The following PDE3A variants were observed in gnomAD, a reference collection of about 807,000 sequenced individuals.
The protein encoded by PDE3A is phosphodiesterase 3A.
PDE3A carries 43 observed loss-of-function variants against 98.3 expected under a neutral mutation model. That is an observed-to-expected ratio of 0.44 (90% CI 0.34 to 0.56). The LOEUF (loss-of-function observed/expected upper bound fraction) is 0.56. Among genes scored for constraint, PDE3A ranks in the 20% least tolerant of loss-of-function variants. PDE3A has a pLI of 0.01. For missense variants in PDE3A, 1,427 were observed against 1,440.7 expected (o/e 0.99, Z 0.15); for synonymous variants, 663 against 567.9 (o/e 1.17, Z -2.38).
chr12:20,646,549 C>T lies in PDE3A; in HGVS notation c.2311C>T (p.Pro771Ser), dbSNP rs1944781502. The T allele has an allele frequency of 6.2e-7, 1 of 1,610,864 alleles. No homozygotes were observed. Among genetic ancestry groups the T allele is most frequent in the African/African-American group, 1.3e-5 (1 of 74,970 alleles). The change falls in exon 11 of 16, where the codon CCT becomes TCT. Residue 771 changes from proline to serine, a missense_variant. Coordinates refer to ENST00000359062, the MANE Select transcript of PDE3A (RefSeq NM_000921.5). Reference protein sequence around the residue: ...LHAVWYLTTQPIPGLSTVIND... With the variant: ...LHAVWYLTTQSIPGLSTVIND... ...TGCTGTTTGGTATCTTACTACACAG[C>T]CTATTCCAGGCCTCTCAACTGTGAT...
chr12:20,375,120 A>G (rs1943547572), intron 1 of PDE3A, among the ~76,000 whole-genome samples: 2 of 151,948 alleles, frequency 1.3e-5, no homozygotes, highest in Non-Finnish European at 2.9e-5. Context: ...TCAAATTGAG[A>G]TTAAAAAATA....
At chr12:20,599,486 G>A (rs1246316232) in intron 2 of PDE3A, among the ~76,000 whole-genome samples, 3 of 152,066 alleles carry the variant, frequency 2.0e-5, no homozygotes, top group Admixed American at 1.3e-4. Flanking sequence ...CACGTTTTCA[G>A]CAAGGGACTC....
chr12:20,517,220 A>G (rs1360795162), intron 1 of PDE3A, among the ~76,000 whole-genome samples: 2 of 152,204 alleles, frequency 1.3e-5, no homozygotes, highest in African/African-American at 4.8e-5. Flanking sequence ...ATTAGTGCCT[A>G]CACCCATTGA....
At chr12:20,374,959 G>C (rs993121113) in intron 1 of PDE3A, among the ~76,000 whole-genome samples, 1 of 151,900 alleles carries the variant, frequency 6.6e-6, no homozygotes, top group Non-Finnish European at 1.5e-5. Context: ...CCTTTGCATT[G>C]GGCGATGGGG....
chr12:20,562,679 C>T (rs1238125224), intron 2 of PDE3A, among the ~76,000 whole-genome samples: 1 of 152,010 alleles, frequency 6.6e-6, no homozygotes, highest in Non-Finnish European at 1.5e-5. Context: ...AACCCTCAGG[C>T]CTTTATTTAC....
chr12:20,665,886 G>A (rs1259429192), intron 15 of PDE3A, among the ~76,000 whole-genome samples: 1 of 150,700 alleles, frequency 6.6e-6, no homozygotes, highest in Non-Finnish European at 1.5e-5. Flanking sequence ...ATGATATTTT[G>A]CTACATTCAT....
At chr12:20,411,621 A>G (rs928032771) in intron 1 of PDE3A, among the ~76,000 whole-genome samples, 2 of 151,898 alleles carry the variant, frequency 1.3e-5, no homozygotes, top group African/African-American at 4.8e-5. Context: ...AGGTCTCTGG[A>G]GATTCCCTCC....
intron 2 of PDE3A, among the ~76,000 whole-genome samples, chr12:20,600,347 T>G (rs1943561174): frequency 6.6e-6 from 1 of 152,256 alleles, no homozygotes; most frequent in East Asian, 1.9e-4. Context: ...CAAACCTTCA[T>G]CCTGAAAGCT....
At position 20,683,292 on chromosome 12, in the gene PDE3A, T is replaced by C. The variant is rs1254064200; in HGVS notation, c.*3021T>C. ...GTTCACATCTAACTCCAGAGCTTAC[T>C]TCCTGTGGTGCCAATGTATTTGTTG... On this transcript the variant is annotated 3_prime_UTR_variant, in exon 16 of 16. Coordinates refer to ENST00000359062, the MANE Select transcript of PDE3A (RefSeq NM_000921.5). The C allele has an allele frequency of 6.6e-6, 1 of 152,190 alleles. No homozygotes were observed. Among genetic ancestry groups the C allele is most frequent in the Non-Finnish European group, 1.5e-5 (1 of 68,032 alleles). 9.4% of individuals were successfully genotyped at this position (152,190 alleles called of 1,614,324 possible).
rs1944913213 is a variant in PDE3A, at chr12:20,651,463, T to G, written c.2925+863T>G. Among the ~76,000 whole-genome samples the G allele has an allele frequency of 2.6e-5, 4 of 152,200 alleles. No homozygotes were observed. The South Asian group carries it at 8.3e-4, about 32-fold the overall frequency. On this transcript the variant is annotated intron_variant, in intron 14 of 15. Transcript: ENST00000359062. ...TAATTTAGAAATCGGTTAATCAACATTGCTGTGGAGATTAAAGAAGATAAA... is the reference window on the plus strand; with the variant it reads ...TAATTTAGAAATCGGTTAATCAACAGTGCTGTGGAGATTAAAGAAGATAAA...
At chr12:20,481,764 A>ATTTTTTTTT (rs10657239) in intron 1 of PDE3A, among the ~76,000 whole-genome samples, 5,920 of 79,418 alleles carry the variant, frequency 0.075, 978 homozygotes, top group African/African-American at 0.14. Flanking sequence ...TGGGAAATAG[A>ATTTTTTTTT]TTTTTTTTTT....
chr12:20,665,726 A>ACGAAG (rs1945291052), intron 15 of PDE3A, among the ~76,000 whole-genome samples: 1 of 152,040 alleles, frequency 6.6e-6, no homozygotes, highest in Non-Finnish European at 1.5e-5. Flanking sequence ...TCTACACTTG[A>ACGAAG]TTTTTTATAG....
At chr12:20,601,402 A>G (rs12311612) in intron 2 of PDE3A, among the ~76,000 whole-genome samples, 2 of 152,218 alleles carry the variant, frequency 1.3e-5, no homozygotes, top group South Asian at 4.1e-4. Flanking sequence ...GCAAGTCAGT[A>G]GCCTAGATAA....
At chr12:20,507,008 T>C (rs1220175869) in intron 1 of PDE3A, among the ~76,000 whole-genome samples, 1 of 152,118 alleles carries the variant, frequency 6.6e-6, no homozygotes, top group Non-Finnish European at 1.5e-5. Flanking sequence ...TGTATATTTT[T>C]ATTCTTTATA....
chr12:20,494,949 A>G (rs996270912), intron 1 of PDE3A, among the ~76,000 whole-genome samples: 8 of 152,144 alleles, frequency 5.3e-5, no homozygotes, highest in Non-Finnish European at 1.0e-4. Flanking sequence ...AATTCAGTAC[A>G]ACTGTGTTTC....
At chr12:20,551,122 G>A (rs540346122) in intron 1 of PDE3A, among the ~76,000 whole-genome samples, 1 of 151,566 alleles carries the variant, frequency 6.6e-6, no homozygotes, top group East Asian at 1.9e-4. Context: ...AATATAATAG[G>A]CAATAGTAGT....
At chr12:20,650,806 AG>A (rs1443569330) in intron 14 of PDE3A, among the ~76,000 whole-genome samples, 11 of 115,234 alleles carry the variant, frequency 9.5e-5, no homozygotes, top group Non-Finnish European at 1.9e-4. Context: ...CTATGATAAA[AG>A]TTATTTGCAA....
chr12:20,536,214 A>G (rs534444994), intron 1 of PDE3A, among the ~76,000 whole-genome samples: 3 of 152,252 alleles, frequency 2.0e-5, no homozygotes, highest in Middle Eastern at 3.4e-3. Flanking sequence ...AATATCTTAC[A>G]CATAAAGAAG....
intron 2 of PDE3A, among the ~76,000 whole-genome samples, chr12:20,559,844 G>A (rs1011938565): frequency 6.6e-6 from 1 of 152,138 alleles, no homozygotes; most frequent in African/African-American, 2.4e-5. Context: ...AAAAGCTTTG[G>A]TAAAAGTCTG....
Sources: allele counts gnomAD v4.1 joint callset (sites outside exome capture counted in the v4.1 genomes callset), GRCh38; gene constraint gnomAD v4.1.1; transcripts MANE v1.5; gene names NCBI Gene and HGNC (gene_info 2026-07-23, HGNC 2026-07-21).